WWOX: variants seen among roughly 807,000 people sequenced by gnomAD.
The protein encoded by WWOX is WW domain containing oxidoreductase.
A neutral mutation model predicts 46.2 loss-of-function variants in WWOX; 69 were observed. The ratio of observed to expected loss-of-function variants is 1.49; its 90% CI spans 1.23 to 1.82. The LOEUF (loss-of-function observed/expected upper bound fraction) is 1.82. WWOX is among the 40% of genes most tolerant of loss of function. The pLI, the probability that WWOX is intolerant of heterozygous loss-of-function variation, is 0.00. For synonymous variants in WWOX, 359 were observed against 202.6 expected, an observed-to-expected ratio of 1.77 and a Z score of -6.56; for missense variants, 919 against 542.6, an observed-to-expected ratio of 1.69 and a Z score of -6.89.
chr16:78,611,888 C>G (rs1158450384), intron 8 of WWOX, among the ~76,000 whole-genome samples: 1 of 152,200 alleles, frequency 6.6e-6, no homozygotes, highest in Non-Finnish European at 1.5e-5. Context: ...TTCTCTCATT[C>G]CATTGGCTGA....
intron 8 of WWOX, among the ~76,000 whole-genome samples, chr16:79,034,064 G>C (rs62040103): frequency 0.054 from 8,231 of 152,268 alleles, 288 homozygotes; most frequent in South Asian, 0.17. Context: ...CTGTGCCCAC[G>C]TGGTCTGTGT....
chr16:78,797,081 C>T (rs2050758508), intron 8 of WWOX, among the ~76,000 whole-genome samples: 1 of 152,072 alleles, frequency 6.6e-6, no homozygotes, highest in South Asian at 2.1e-4. Context: ...CCACCTCAGC[C>T]TCCTAAAGTG....
At chr16:78,820,489 C>T (rs899329576) in intron 8 of WWOX, among the ~76,000 whole-genome samples, 6 of 152,030 alleles carry the variant, frequency 3.9e-5, no homozygotes, top group Non-Finnish European at 5.9e-5. Context: ...CTTGTAAGCC[C>T]CATTTCCATG....
At chr16:78,388,436 A>C (rs2082105010) in intron 6 of WWOX, among the ~76,000 whole-genome samples, 1 of 151,552 alleles carries the variant, frequency 6.6e-6, no homozygotes, top group African/African-American at 2.4e-5. Flanking sequence ...TCATGAGGTC[A>C]AGAGATCAAG....
At chr16:78,406,309 T>A (rs9928965) in intron 6 of WWOX, among the ~76,000 whole-genome samples, 1,472 of 24,550 alleles carry the variant, frequency 0.06, 24 homozygotes, top group East Asian at 0.24. Context: ...TATAAATATA[T>A]ATATATATAT....
intron 8 of WWOX, among the ~76,000 whole-genome samples, chr16:78,501,260 AAAAT>A (rs566329650): frequency 1.1e-3 from 161 of 150,612 alleles, no homozygotes; most frequent in African/African-American, 3.7e-3. Context: ...AAATAAAAAA[AAAAT>A]AAATAAAAGC....
intron 5 of WWOX, among the ~76,000 whole-genome samples, chr16:78,291,444 T>C (rs1257421088): frequency 6.6e-6 from 1 of 152,216 alleles, no homozygotes. Context: ...GCCACTCACG[T>C]GAACTAAGTT....
chr16:78,812,497 G>A (rs768258078), intron 8 of WWOX, among the ~76,000 whole-genome samples: 3 of 152,056 alleles, frequency 2.0e-5, no homozygotes, highest in African/African-American at 4.8e-5. Flanking sequence ...CGAGGTGGAC[G>A]GATCACCTGA....
At chr16:78,733,673 T>G (rs2049017742) in intron 8 of WWOX, among the ~76,000 whole-genome samples, 1 of 150,466 alleles carries the variant, frequency 6.6e-6, no homozygotes, top group African/African-American at 2.5e-5. Context: ...GAGAATGGTT[T>G]GAACTTGGGA....
At chr16:78,302,336 A>G (rs1271758278) in intron 5 of WWOX, among the ~76,000 whole-genome samples, 1 of 152,070 alleles carries the variant, frequency 6.6e-6, no homozygotes, top group African/African-American at 2.4e-5. Context: ...TCAGTTATAA[A>G]AGTTTTAGGA....
At chr16:79,006,683 G>A (rs939096276) in intron 8 of WWOX, among the ~76,000 whole-genome samples, 2 of 152,188 alleles carry the variant, frequency 1.3e-5, no homozygotes, top group African/African-American at 4.8e-5. Context: ...AGATCCAGGT[G>A]TAGGTGGGGC....
chr16:78,125,523 A>T (rs554632201), intron 4 of WWOX, among the ~76,000 whole-genome samples: 2 of 152,262 alleles, frequency 1.3e-5, no homozygotes, highest in South Asian at 4.1e-4. Flanking sequence ...GGGGAGGGCC[A>T]AGGCAGATGT....
intron 8 of WWOX, among the ~76,000 whole-genome samples, chr16:78,876,464 A>C: frequency 8.1e-6 from 1 of 123,370 alleles, no homozygotes; most frequent in Middle Eastern, 4.7e-3. Context: ...TGAATGCTTG[A>C]CTCTTCTTTT....
intron 8 of WWOX, among the ~76,000 whole-genome samples, chr16:78,768,258 G>T (rs1483518595): frequency 8.1e-6 from 1 of 124,170 alleles, no homozygotes; most frequent in South Asian, 2.6e-4. Flanking sequence ...TCTCAAGCAA[G>T]CCAAAAAGTG....
chr16:78,226,458 T>C (rs142043078), intron 5 of WWOX, among the ~76,000 whole-genome samples: 1 of 145,942 alleles, frequency 6.9e-6, no homozygotes, highest in East Asian at 2.0e-4. Flanking sequence ...TTTCTTGTCC[T>C]GTCCTGTCCT....
chr16:78,718,928 T>C (rs114323060), intron 8 of WWOX, among the ~76,000 whole-genome samples: 2,184 of 152,112 alleles, frequency 0.014, 47 homozygotes, highest in African/African-American at 0.05. Context: ...GAACATGGCA[T>C]CTGGGGCTCT....
intron 8 of WWOX, among the ~76,000 whole-genome samples, chr16:78,912,977 G>A (rs569603214): frequency 1.3e-5 from 2 of 152,086 alleles, no homozygotes; most frequent in East Asian, 1.9e-4. Flanking sequence ...CAAAGAACTC[G>A]GCATCCCAGA....
rs1243737794 is a variant in WWOX, at chr16:78,425,028, T to C, written c.764T>C (p.Val255Ala). The C allele has an allele frequency of 1.2e-6, 2 of 1,613,854 alleles. No homozygotes were observed. Among genetic ancestry groups the C allele is most frequent in the African/African-American group, 1.3e-5 (1 of 74,912 alleles). The change falls in exon 7 of 9, where the codon GTC becomes GCC. Residue 255 changes from valine (V) to alanine (A), a missense_variant. Coordinates refer to ENST00000566780, the MANE Select transcript of WWOX (RefSeq NM_016373.4). ...TTGTGCCGCTCAGCTCCTGCCCGTGTCATTGTGGTCTCCTCAGAGTCCCAT... is the reference window on the plus strand; with the variant it reads ...TTGTGCCGCTCAGCTCCTGCCCGTGCCATTGTGGTCTCCTCAGAGTCCCAT... ...DVLCRSAPAR[V>A]IVVSSESHRF...
At chr16:78,919,579 G>A (rs1006218303) in intron 8 of WWOX, among the ~76,000 whole-genome samples, 16 of 145,458 alleles carry the variant, frequency 1.1e-4, no homozygotes, top group South Asian at 2.2e-4. Context: ...GCACAATGGC[G>A]CGATCTCAGC....
Sources: gnomAD v4.1 joint callset for allele counts (sites outside exome capture counted in the v4.1 genomes callset) on GRCh38, gnomAD v4.1.1 for gene constraint, MANE v1.5 for transcripts, NCBI Gene and HGNC (gene_info 2026-07-23, HGNC 2026-07-21) for gene names.